The following RBKS variants were observed in gnomAD, a reference collection of about 807,000 sequenced individuals.
RBKS encodes ribokinase.
A neutral mutation model predicts 33.9 loss-of-function variants in RBKS; 33 were observed. The observed-to-expected ratio is 0.97, with a 90% CI of 0.74 to 1.30. The LOEUF (loss-of-function observed/expected upper bound fraction) is 1.30, where lower values mean the gene tolerates loss of function less well. Among genes scored for constraint, RBKS ranks in the 50% most tolerant of loss-of-function variants. The pLI is 0.00. For synonymous variants in RBKS, 125 were observed against 143.0 expected, an observed-to-expected ratio of 0.87 and a Z score of 0.90; for missense variants, 361 against 392.6, an observed-to-expected ratio of 0.92 and a Z score of 0.68.
chr2:27,879,893 C>T (rs551800535), intron 1 of RBKS, among the ~76,000 whole-genome samples: 2 of 152,142 alleles, frequency 1.3e-5, no homozygotes, highest in Non-Finnish European at 2.9e-5. Flanking sequence ...GAATTCACAG[C>T]CAAATTCTAT....
At chr2:27,812,432 C>T (rs558020477) in intron 7 of RBKS, among the ~76,000 whole-genome samples, 282 of 152,260 alleles carry the variant, frequency 1.9e-3, no homozygotes, top group African/African-American at 6.5e-3. Flanking sequence ...TGGTACTATT[C>T]ACAACAGCAA....
intron 7 of RBKS, among the ~76,000 whole-genome samples, chr2:27,800,070 T>C (rs1677744925): frequency 7.4e-6 from 1 of 134,476 alleles, no homozygotes; most frequent in East Asian, 2.7e-4. Flanking sequence ...TTTTTTTTTT[T>C]GAGATCGGCT....
chr2:27,881,919 G>T (rs1664424564), intron 1 of RBKS, among the ~76,000 whole-genome samples: 1 of 152,130 alleles, frequency 6.6e-6, no homozygotes, highest in Non-Finnish European at 1.5e-5. Context: ...AAAATCGACT[G>T]AAGATGAATT....
intron 5 of RBKS, among the ~76,000 whole-genome samples, chr2:27,840,376 A>ACG (rs1168650704): frequency 2.1e-5 from 3 of 144,286 alleles, no homozygotes; most frequent in African/African-American, 7.7e-5. Flanking sequence ...ACACACACAC[A>ACG]CACACACACA....
intron 7 of RBKS, among the ~76,000 whole-genome samples, chr2:27,817,153 T>G (rs942680776): frequency 6.6e-6 from 1 of 152,202 alleles, no homozygotes; most frequent in East Asian, 1.9e-4. Flanking sequence ...GGCCTGTTAT[T>G]ATATGCCAAG....
At chr2:27,848,168 A>C (rs1449776745) in intron 2 of RBKS, 71 bp from the exon 3 acceptor site, 2 of 875,280 alleles carry the variant, frequency 2.3e-6, no homozygotes, top group Admixed American at 5.2e-5. Flanking sequence ...TTTTTAGAAT[A>C]CTTAGCATTT....
At position 27,858,535 on chromosome 2, in the gene RBKS, G is replaced by A; in HGVS notation, c.126C>T (p.Ile42=). Residue 42 remains isoleucine (I), a synonymous_variant, in exon 2 of 8, where the codon ATC becomes ATT. Coordinates refer to ENST00000302188, the MANE Select transcript of RBKS (RefSeq NM_022128.3). ...TSRLPKTGET[I]HGHKFFIGFG... is the part of the protein sequence containing the mutation. The stretch of plus-strand genomic sequence containing the variant: ...AGCCAATAAAAAACTTATGTCCATG[G>A]ATGGTTTCTCCAGTTTTTGGCAAAC... 6.2e-7 allele frequency: 1 copy of A among 1,613,946 alleles called. No homozygotes were observed. The highest frequency in any genetic ancestry group is 1.7e-4 in the Middle Eastern group (1 of 6,036).
intron 1 of RBKS, among the ~76,000 whole-genome samples, chr2:27,881,500 C>T (rs1354862498): frequency 1.3e-5 from 2 of 151,158 alleles, no homozygotes; most frequent in Admixed American, 1.3e-4. Flanking sequence ...AAGATTGTGC[C>T]ACTACACTCC....
intron 6 of RBKS, among the ~76,000 whole-genome samples, chr2:27,829,816 CT>C (rs1157344246): frequency 6.6e-6 from 1 of 152,168 alleles, no homozygotes; most frequent in Non-Finnish European, 1.5e-5. Flanking sequence ...TGGTTTACTT[CT>C]TGGTCAGAGG....
chr2:27,817,620 A>C (rs1376626576), intron 7 of RBKS, among the ~76,000 whole-genome samples: 1 of 152,218 alleles, frequency 6.6e-6, no homozygotes, highest in African/African-American at 2.4e-5. Flanking sequence ...GGTGGAAGGA[A>C]GCACTGTCCC....
chr2:27,814,797 A>G lies in RBKS; in HGVS notation c.795+12770T>C, dbSNP rs549338474. Among the ~76,000 whole-genome samples the G allele has an allele frequency of 2.0e-5, 3 of 152,314 alleles. No homozygotes were observed. The South Asian group carries it at 6.2e-4, about 32-fold the overall frequency. ...CTGGATCCCTTTGATCTCCAAATCC[A>G]TAGCTTTTTCAGAGGTTGTACCACA... On this transcript the variant is annotated intron_variant, in intron 7 of 7. Coordinates refer to ENST00000302188, the MANE Select transcript of RBKS (RefSeq NM_022128.3).
chr2:27,890,065 G>T lies in RBKS; in HGVS notation c.89+192C>A, dbSNP rs936528636. 2 of 563,744 alleles carry T rather than the reference G, an allele frequency of 3.5e-6. No individual in the cohort carries two copies. The allele number at this position is 563,744 out of a possible 1,614,324, so 34.9% of individuals were successfully genotyped here. On this transcript the variant is annotated intron_variant, in intron 1 of 7. Coordinates refer to ENST00000302188, the MANE Select transcript of RBKS (RefSeq NM_022128.3). The surrounding 1 kb of genome is among the most constrained non-coding windows in gnomAD (Gnocchi z 4.8). ...TGGCCTATTACGTCCCCTCCCCTGA[G>T]ATTTACCTTTATATACTCAAGTTCT...
Position 27,781,676 on chromosome 2 carries a change from T to C in RBKS, c.908A>G (p.Gln303Arg), listed in dbSNP as rs768885887. Residue 303 changes from glutamine to arginine, a missense_variant, in exon 8 of 8, where the codon CAG (glutamine) becomes CGG (arginine). Physicochemically the swap from Gln to Arg is conservative, Grantham distance 43. Coordinates refer to ENST00000302188, the MANE Select transcript of RBKS (RefSeq NM_022128.3). ...GTAAGATGACTGTGTTCCTGCAGCC[T>C]GGACACTGACTGCTGCAATGAAATT... ...RSNFIAAVSV[Q>R]AAGTQSSYPY... The C allele has an allele frequency of 7.4e-6, 12 of 1,613,974 alleles. No homozygotes were observed. Among genetic ancestry groups the C allele is most frequent in the Non-Finnish European group, 9.3e-6 (11 of 1,179,968 alleles).
At chr2:27,822,815 C>G (rs930974176) in intron 7 of RBKS, among the ~76,000 whole-genome samples, 9 of 152,282 alleles carry the variant, frequency 5.9e-5, no homozygotes, top group African/African-American at 2.4e-5. Flanking sequence ...TTGTTCTCAG[C>G]TTACTTACAT....
chr2:27,886,790 T>A (rs1664537957), intron 1 of RBKS, among the ~76,000 whole-genome samples: 2 of 152,126 alleles, frequency 1.3e-5, no homozygotes, highest in African/African-American at 4.8e-5. Context: ...TAGTAGCCTT[T>A]ACTAGCCACT....
chr2:27,824,356 C>A (rs930080363), intron 7 of RBKS, among the ~76,000 whole-genome samples: 2 of 152,176 alleles, frequency 1.3e-5, no homozygotes, highest in African/African-American at 4.8e-5. Flanking sequence ...AAGTAAAACT[C>A]CTTACCCATT....
At chr2:27,811,457 C>A (rs1392950745) in intron 7 of RBKS, among the ~76,000 whole-genome samples, 2 of 152,142 alleles carry the variant, frequency 1.3e-5, no homozygotes, top group Non-Finnish European at 2.9e-5. Flanking sequence ...TTTCCTATTT[C>A]TTAAGGAACT....
intron 4 of RBKS, among the ~76,000 whole-genome samples, chr2:27,845,527 GAACAAC>G (rs5830051): frequency 3.3e-5 from 5 of 151,124 alleles, no homozygotes; most frequent in African/African-American, 4.9e-5. Flanking sequence ...GATAGTCCTA[GAACAAC>G]AACAACAACA....
chr2:27,863,645 A>G (rs1664032411), intron 1 of RBKS, among the ~76,000 whole-genome samples: 1 of 152,222 alleles, frequency 6.6e-6, no homozygotes, highest in African/African-American at 2.4e-5. Context: ...AAGTCACCAA[A>G]TGTGTTGCTT....
Sources: allele counts gnomAD v4.1 joint callset (sites outside exome capture counted in the v4.1 genomes callset), GRCh38; gene constraint gnomAD v4.1.1; non-coding constraint Gnocchi (gnomAD v3.1); transcripts MANE v1.5; gene names NCBI Gene and HGNC (gene_info 2026-07-23, HGNC 2026-07-21).